ARHGAP26: variants seen among roughly 807,000 people sequenced by gnomAD.
The protein encoded by ARHGAP26 is Rho GTPase activating protein 26.
In ARHGAP26, 38 loss-of-function variants were observed where a neutral mutation model predicts 104.8. The observed-to-expected ratio is 0.36, with a 90% CI of 0.28 to 0.48. The LOEUF is 0.48. Among genes scored for constraint, ARHGAP26 ranks in the 20% least tolerant of loss-of-function variants. The pLI, the probability that ARHGAP26 is intolerant of heterozygous loss-of-function variation, is 0.99. For synonymous variants in ARHGAP26, 341 were observed against 340.0 expected (o/e 1.00, Z -0.03); for missense variants, 704 against 947.9 (o/e 0.74, Z 3.38).
intron 11 of ARHGAP26, among the ~76,000 whole-genome samples, chr5:142,956,300 G>C (rs765972477): frequency 7.9e-5 from 12 of 152,142 alleles, no homozygotes; most frequent in Non-Finnish European, 1.6e-4. Flanking sequence ...AGCATGCCAG[G>C]CACAGTGGCT....
intron 17 of ARHGAP26, among the ~76,000 whole-genome samples, chr5:143,084,561 C>T (rs1009817734): frequency 6.6e-6 from 1 of 152,172 alleles, no homozygotes; most frequent in Non-Finnish European, 1.5e-5. Context: ...CTTTTTACTG[C>T]CCTACTTACA....
intron 20 of ARHGAP26, among the ~76,000 whole-genome samples, chr5:143,187,314 A>G (rs1208018662): frequency 1.3e-5 from 2 of 152,244 alleles, no homozygotes; most frequent in Non-Finnish European, 2.9e-5. Flanking sequence ...CTTATCAAGT[A>G]TGACAAGTTT....
chr5:142,842,415 T>C (rs1561934450), intron 1 of ARHGAP26, among the ~76,000 whole-genome samples: 1 of 152,244 alleles, frequency 6.6e-6, no homozygotes. Context: ...ACCTCACCCA[T>C]ACTTTGTGTC....
intron 18 of ARHGAP26, among the ~76,000 whole-genome samples, chr5:143,130,034 G>A (rs1797145189): frequency 6.6e-6 from 1 of 152,192 alleles, no homozygotes. Flanking sequence ...TGTATTTGAT[G>A]TGATGATATG....
chr5:142,848,460 C>T (rs1322915778), intron 1 of ARHGAP26, among the ~76,000 whole-genome samples: 2 of 152,192 alleles, frequency 1.3e-5, no homozygotes, highest in Non-Finnish European at 1.5e-5. Flanking sequence ...TACTCCCTTC[C>T]AGTTCTTCCT....
chr5:143,077,478 T>G (rs886790541), intron 17 of ARHGAP26, among the ~76,000 whole-genome samples: 36 of 152,146 alleles, frequency 2.4e-4, no homozygotes, highest in African/African-American at 8.7e-4. Flanking sequence ...AGGTCCTGCT[T>G]ATGATAAAAT....
chr5:143,044,709 T>C (rs924798179), intron 14 of ARHGAP26, among the ~76,000 whole-genome samples: 1 of 152,224 alleles, frequency 6.6e-6, no homozygotes, highest in Non-Finnish European at 1.5e-5. Flanking sequence ...TAAAAAAGTA[T>C]ATCTAATACA....
At chr5:143,207,045 G>A (rs1401993175) in intron 20 of ARHGAP26, among the ~76,000 whole-genome samples, 153 bp from the exon 21 acceptor site, 1 of 152,198 alleles carries the variant, frequency 6.6e-6, no homozygotes, top group Non-Finnish European at 1.5e-5. Context: ...ATTTGGTCTG[G>A]AGGAATGTGA....
rs148129381 is a variant in ARHGAP26, at chr5:143,080,308, C to T, written c.1538+22561C>T. Among the ~76,000 whole-genome samples, 154 of 152,248 alleles carry T rather than the reference C, an allele frequency of 1.0e-3. 1 individual carries two copies. The highest frequency in any genetic ancestry group is 4.0e-3 in the East Asian group (21 of 5,192). On this transcript the variant is annotated intron_variant, in intron 17 of 22. Transcript: ENST00000645722. ...TCATTGAGTACCTACTCCGGATTTA[C>T]GACCTGTGAATACAGTGGTAAATTT...
intron 11 of ARHGAP26, among the ~76,000 whole-genome samples, chr5:142,974,531 C>A (rs901781819): frequency 3.3e-5 from 5 of 152,174 alleles, no homozygotes; most frequent in Non-Finnish European, 7.4e-5. Flanking sequence ...AGTAACTCTA[C>A]AAACTGATGA....
intron 11 of ARHGAP26, among the ~76,000 whole-genome samples, chr5:142,963,539 G>A (rs1770765655): frequency 6.6e-6 from 1 of 151,734 alleles, no homozygotes; most frequent in South Asian, 2.1e-4. Flanking sequence ...TTTTAATATA[G>A]GAAGGCTTAA....
In ARHGAP26 at chr5:143,121,109, A is replaced by C; in HGVS notation, c.1660A>C (p.Asn554His). 6.2e-7 allele frequency: 1 copy of C among 1,613,778 alleles called. No individual in the cohort carries two copies. Residue 554 changes from asparagine (N) to histidine (H), a missense_variant, in exon 18 of 23, where the codon AAC becomes CAC. This residue lies in a region of ARHGAP26 where 287 missense variants were observed against 438.8 expected (regional missense o/e 0.65). Coordinates refer to ENST00000645722, the MANE Select transcript of ARHGAP26 (RefSeq NM_001135608.3). ...VAAIMDIKFQ[N>H]IVIEILIENH... ...AGCCATCATGGACATCAAATTTCAG[A>C]ACATTGTCATTGAGATCCTAATAGA...
At chr5:142,850,816 G>T (rs1486549135) in intron 1 of ARHGAP26, among the ~76,000 whole-genome samples, 2 of 152,224 alleles carry the variant, frequency 1.3e-5, no homozygotes, top group Non-Finnish European at 2.9e-5. Context: ...ATAAGGAATA[G>T]CTATTAGCTG....
At chr5:142,880,983 A>G (rs1756914517) in intron 4 of ARHGAP26, among the ~76,000 whole-genome samples, 1 of 152,256 alleles carries the variant, frequency 6.6e-6, no homozygotes, top group African/African-American at 2.4e-5. Flanking sequence ...CTGGTGCTGT[A>G]TCAGAGATTA....
intron 13 of ARHGAP26, among the ~76,000 whole-genome samples, chr5:143,039,618 T>TA (rs552827480): frequency 5.7e-4 from 82 of 144,852 alleles, no homozygotes; most frequent in Middle Eastern, 3.6e-3. Context: ...AAAGCGAGTC[T>TA]AAAAAAAAAA....
chr5:142,818,543 A>G (rs117634534), intron 1 of ARHGAP26, among the ~76,000 whole-genome samples: 1 of 152,274 alleles, frequency 6.6e-6, no homozygotes, highest in East Asian at 1.9e-4. Flanking sequence ...AAAGCAAGGT[A>G]GTGAGATGGC....
Position 143,225,415 on chromosome 5 carries a change from CT to C in ARHGAP26, c.*2970del, listed in dbSNP as rs1253456281. 5 of 190,396 alleles carry C rather than the reference CT, an allele frequency of 2.6e-5. No individual in the cohort carries two copies. Among genetic ancestry groups the C allele is most frequent in the African/African-American group, 2.3e-5 (1 of 42,918 alleles). The allele number at this position is 190,396 out of a possible 1,614,324, so 11.8% of individuals were successfully genotyped here. ...TGTTTGCCAGGCTGATCTCGAACTC[CT>C]GACCTCAAGTGATCTGCCCACTTCA... On this transcript the variant is annotated 3_prime_UTR_variant, in exon 23 of 23. Coordinates refer to ENST00000645722, the MANE Select transcript of ARHGAP26 (RefSeq NM_001135608.3).
intron 1 of ARHGAP26, among the ~76,000 whole-genome samples, chr5:142,857,032 T>C (rs1280117184): frequency 6.6e-6 from 1 of 152,216 alleles, no homozygotes; most frequent in African/African-American, 2.4e-5. Context: ...GGCCTCTTCC[T>C]GGCTTTCCTT....
At chr5:142,826,219 A>G (rs1026109340) in intron 1 of ARHGAP26, among the ~76,000 whole-genome samples, 1 of 152,184 alleles carries the variant, frequency 6.6e-6, no homozygotes, top group Non-Finnish European at 1.5e-5. Flanking sequence ...TCTGTCCATT[A>G]TTATCAGGGA....
Sources: allele counts gnomAD v4.1 joint callset (sites outside exome capture counted in the v4.1 genomes callset), GRCh38; gene constraint gnomAD v4.1.1; regional missense constraint gnomAD v4.1.1; transcripts MANE v1.5; gene names NCBI Gene and HGNC (gene_info 2026-07-23, HGNC 2026-07-21).